KCNAB1: variants seen among roughly 807,000 people sequenced by gnomAD.
KCNAB1 encodes the protein potassium voltage-gated channel subfamily A regulatory beta subunit 1, also known as voltage-gated potassium channel subunit beta-1.
Under a neutral mutation model 64.6 loss-of-function variants are expected in KCNAB1, and 35 were observed. The ratio of observed to expected loss-of-function variants is 0.54; its 90% confidence interval spans 0.41 to 0.72. The LOEUF (loss-of-function observed/expected upper bound fraction) is 0.72, where lower values mean the gene tolerates loss of function less well. KCNAB1 is among the 30% of genes least tolerant of loss of function. KCNAB1 has a pLI of 0.00. For synonymous variants in KCNAB1, 177 were observed against 183.8 expected (o/e 0.96, Z 0.30); for missense variants, 401 against 512.9 (o/e 0.78, Z 2.11).
At chr3:156,173,396 A>T (rs1174778926) in intron 1 of KCNAB1, among the ~76,000 whole-genome samples, 1 of 152,100 alleles carries the variant, frequency 6.6e-6, no homozygotes, top group Non-Finnish European at 1.5e-5. Flanking sequence ...TGTAAGTGAA[A>T]CTCTTCCTAG....
chr3:156,255,984 A>G (rs1248589328), intron 1 of KCNAB1, among the ~76,000 whole-genome samples: 1 of 152,210 alleles, frequency 6.6e-6, no homozygotes, highest in East Asian at 1.9e-4. Context: ...CAGCGCCCAG[A>G]GTGCGGTAGG....
chr3:156,289,592 T>A (rs1720284045), intron 1 of KCNAB1, among the ~76,000 whole-genome samples: 1 of 152,208 alleles, frequency 6.6e-6, no homozygotes, highest in Admixed American at 6.5e-5. Flanking sequence ...GGTCCCAGAC[T>A]TATTTGTTCC....
At chr3:156,227,124 T>A (rs1576625236) in intron 1 of KCNAB1, among the ~76,000 whole-genome samples, 2 of 152,368 alleles carry the variant, frequency 1.3e-5, no homozygotes, top group East Asian at 3.9e-4. Context: ...TAAATCTAAC[T>A]ACTTCTTCGT....
rs184552160 is a variant in KCNAB1 at position 156,435,089 on chromosome 3, A to T, written c.319+13430A>T. 4.7e-3 allele frequency among the ~76,000 whole-genome samples: 713 copies of T among 152,290 alleles called. 6 individuals are homozygous for T. The highest frequency in any genetic ancestry group is 0.027 in the Middle Eastern group (8 of 294). Reference sequence around the variant, plus strand: ...TCGAGCCAGTGTGGAATGCACACCTACCTGAGAGTGAGGGAGATGGGGTGT... The same window carrying T: ...TCGAGCCAGTGTGGAATGCACACCTTCCTGAGAGTGAGGGAGATGGGGTGT... On this transcript the variant is annotated intron_variant, in intron 2 of 13. Coordinates refer to ENST00000490337, the MANE Select transcript of KCNAB1 (RefSeq NM_172160.3).
chr3:156,200,124 C>A (rs565580138), intron 1 of KCNAB1, among the ~76,000 whole-genome samples: 6 of 152,232 alleles, frequency 3.9e-5, no homozygotes, highest in African/African-American at 1.2e-4. Context: ...CACTCCAGAC[C>A]CTGTTTGCCT....
Position 156,120,789 on chromosome 3 carries a change from C to G in KCNAB1, c.178C>G (p.Leu60Val). 6.2e-7 allele frequency: 1 copy of G among 1,614,248 alleles called. No homozygotes were observed. The highest frequency in any genetic ancestry group is 1.3e-5 in the African/African-American group (1 of 75,074). ...GGAAAGCCAGCTCAGGGCGCGTCAA[C>G]TGGCTCTGCTGCGCGAAGTGGAGAT... is the stretch of plus-strand genomic sequence containing the variant. ...SGESQLRARQ[L>V]ALLREVEMNW... The change falls in exon 1 of 14, where the codon CTG becomes GTG. Residue 60 changes from leucine (L) to valine (V), a missense_variant. Physicochemically the swap from Leu to Val is conservative, Grantham distance 32. Coordinates refer to ENST00000490337, the MANE Select transcript of KCNAB1 (RefSeq NM_172160.3).
intron 3 of KCNAB1, among the ~76,000 whole-genome samples, chr3:156,454,414 A>G (rs1257166306): frequency 1.3e-5 from 2 of 152,180 alleles, no homozygotes; most frequent in South Asian, 2.1e-4. Flanking sequence ...ATTGGACCAG[A>G]GGCTGATCGG....
intron 1 of KCNAB1, among the ~76,000 whole-genome samples, chr3:156,334,829 C>T (rs1250763418): frequency 6.6e-6 from 1 of 152,184 alleles, no homozygotes; most frequent in Non-Finnish European, 1.5e-5. Context: ...CCCGTCAGAA[C>T]TCACTGTGGA....
intron 1 of KCNAB1, among the ~76,000 whole-genome samples, chr3:156,388,163 T>A (rs1008268266): frequency 1.3e-5 from 2 of 152,224 alleles, no homozygotes; most frequent in African/African-American, 4.8e-5. Flanking sequence ...GAAATATGTA[T>A]GATATGGTAA....
At chr3:156,459,753 G>T (rs1712752583) in intron 4 of KCNAB1, 74 bp from the exon 5 acceptor site, 16 of 1,107,524 alleles carry the variant, frequency 1.4e-5, no homozygotes, top group Non-Finnish European at 2.0e-5. Context: ...ACAAGGAATG[G>T]TTCTTGTGTT....
chr3:156,247,818 G>T (rs950946451), intron 1 of KCNAB1, among the ~76,000 whole-genome samples: 2 of 152,054 alleles, frequency 1.3e-5, no homozygotes, highest in Non-Finnish European at 2.9e-5. Flanking sequence ...GCCCACCTCC[G>T]CCTCCCAAAG....
intron 1 of KCNAB1, among the ~76,000 whole-genome samples, chr3:156,174,124 T>A (rs1351080784): frequency 6.6e-6 from 1 of 152,226 alleles, no homozygotes; most frequent in Non-Finnish European, 1.5e-5. Flanking sequence ...GATCTCTTTA[T>A]GTTTACCTCC....
chr3:156,483,119 C>T (rs1714950359), intron 8 of KCNAB1, among the ~76,000 whole-genome samples: 1 of 152,098 alleles, frequency 6.6e-6, no homozygotes, highest in Admixed American at 6.6e-5. Context: ...GACCTGTTCT[C>T]TCTATCTACC....
intron 1 of KCNAB1, among the ~76,000 whole-genome samples, chr3:156,122,729 A>T (rs73161075): frequency 0.049 from 7,412 of 152,256 alleles, 256 homozygotes; most frequent in Non-Finnish European, 0.074. Context: ...AAAAATTAAA[A>T]ATTTCCCATC....
chr3:156,387,930 G>A (rs747720651), intron 1 of KCNAB1, among the ~76,000 whole-genome samples: 5 of 152,142 alleles, frequency 3.3e-5, no homozygotes, highest in East Asian at 1.9e-4. Context: ...AATTCACCGC[G>A]TATTTGTTAT....
chr3:156,222,806 T>G (rs939584392), intron 1 of KCNAB1, among the ~76,000 whole-genome samples: 1 of 152,300 alleles, frequency 6.6e-6, no homozygotes. Context: ...TATATGGAAA[T>G]TAAATAACCT....
At chr3:156,336,932 CT>C (rs1723751835) in intron 1 of KCNAB1, among the ~76,000 whole-genome samples, 3 of 152,202 alleles carry the variant, frequency 2.0e-5, no homozygotes, top group African/African-American at 7.2e-5. Context: ...ATGTTCATAG[CT>C]ACTTGAAGTG....
At chr3:156,418,168 T>C (rs957892106) in intron 1 of KCNAB1, among the ~76,000 whole-genome samples, 2 of 152,182 alleles carry the variant, frequency 1.3e-5, no homozygotes, top group African/African-American at 4.8e-5. Context: ...AATGGAAAAA[T>C]AATTCATTCT....
chr3:156,387,014 C>CTCTTTTTTTTTTTTTTTTTTTTT lies in KCNAB1; in HGVS notation c.276-34601_276-34600insCTTTTTTTTTTTTTTTTTTTTTT, dbSNP rs60888308. ...TCTTGCTTGCTTGCTTTCTCTCTCT[C>CTCTTTTTTTTTTTTTTTTTTTTT]TTTTTTTTTTTTTTTTTTTTGCCTG... On this transcript the variant is annotated intron_variant, in intron 1 of 13. Coordinates refer to ENST00000490337, the MANE Select transcript of KCNAB1 (RefSeq NM_172160.3). Among the ~76,000 whole-genome samples, 39 of 90,520 alleles carry CTCTTTTTTTTTTTTTTTTTTTTT rather than the reference C, an allele frequency of 4.3e-4. 4 individuals carry two copies. Among genetic ancestry groups the CTCTTTTTTTTTTTTTTTTTTTTT allele is most frequent in the African/African-American group, 8.2e-4 (15 of 18,378 alleles). 59.4% of individuals were successfully genotyped at this position (90,520 alleles called of 152,430 possible).
Sources: gnomAD v4.1 joint callset for allele counts (sites outside exome capture counted in the v4.1 genomes callset) on GRCh38, gnomAD v4.1.1 for gene constraint, MANE v1.5 for transcripts, NCBI Gene and HGNC (gene_info 2026-07-23, HGNC 2026-07-21) for gene names.